The following BIRC6 variants were observed in gnomAD, a reference collection of about 807,000 sequenced individuals.
BIRC6 encodes dual E2 ubiquitin-conjugating enzyme/E3 ubiquitin-protein ligase BIRC6.
BIRC6 carries 98 observed loss-of-function variants against 503.3 expected under a neutral mutation model. The ratio of observed to expected loss-of-function variants is 0.19; its 90% CI spans 0.17 to 0.23. The LOEUF is 0.23. Ranked by LOEUF, BIRC6 falls within the 10% of genes least tolerant of loss-of-function variation. The pLI is 1.00. For missense variants in BIRC6, 5,360 were observed against 5,806.0 expected (o/e 0.92, Z 2.50); for synonymous variants, 2,240 against 2,078.7 (o/e 1.08, Z -2.11).
intron 72 of BIRC6, among the ~76,000 whole-genome samples, chr2:32,610,214 C>A (rs1056535399): frequency 6.6e-6 from 1 of 152,072 alleles, no homozygotes; most frequent in Admixed American, 6.6e-5. Context: ...GTTTGATTGT[C>A]TGTTCTTTAG....
chr2:32,473,741 G>A (rs1558828907), intron 33 of BIRC6, among the ~76,000 whole-genome samples: 5 of 133,716 alleles, frequency 3.7e-5, no homozygotes, highest in South Asian at 4.7e-4. Context: ...GTGTGTGTGT[G>A]TGTGTGTGTA....
intron 73 of BIRC6, among the ~76,000 whole-genome samples, chr2:32,614,369 T>TA (rs1356358931): frequency 1.3e-5 from 2 of 152,250 alleles, no homozygotes; most frequent in East Asian, 1.9e-4. Flanking sequence ...GTTTTTCACT[T>TA]ACACAAAACT....
intron 59 of BIRC6, 26 bp downstream of exon 59, chr2:32,525,654 CAA>C: frequency 6.3e-7 from 1 of 1,589,394 alleles, no homozygotes; most frequent in Non-Finnish European, 8.6e-7. Context: ...GAATAAACGT[CAA>C]AGAAATTTTA....
At chr2:32,537,434 A>G (rs1572884140) in intron 61 of BIRC6, among the ~76,000 whole-genome samples, 1 of 152,200 alleles carries the variant, frequency 6.6e-6, no homozygotes, top group Non-Finnish European at 1.5e-5. Context: ...AGTGCAATCA[A>G]ACTAGAACTC....
chr2:32,389,925 TCTCGGCTCACCGCAAC>T (rs2038993462), intron 4 of BIRC6, among the ~76,000 whole-genome samples: 1 of 151,934 alleles, frequency 6.6e-6, no homozygotes, highest in Non-Finnish European at 1.5e-5. Context: ...AATGGCACGA[TCTCGGCTCACCGCAAC>T]CTCTGCCTCC....
intron 21 of BIRC6, among the ~76,000 whole-genome samples, chr2:32,447,363 C>T (rs1354069809): frequency 6.8e-5 from 10 of 147,518 alleles, no homozygotes; most frequent in South Asian, 4.3e-4. Flanking sequence ...CCGGATGGGG[C>T]GGCTGGCCGG....
chr2:32,449,450 A>G (rs941149012), intron 22 of BIRC6, among the ~76,000 whole-genome samples: 3 of 152,288 alleles, frequency 2.0e-5, no homozygotes, highest in African/African-American at 4.8e-5. Context: ...GGATGTATGC[A>G]TGACACTATT....
In BIRC6 at chr2:32,611,511, G is replaced by A. The variant is rs202246134; in HGVS notation, c.14323G>A (p.Ala4775Thr). The A allele has an allele frequency of 1.9e-6, 3 of 1,611,288 alleles. No individual in the cohort carries two copies. In the African/African-American group the frequency reaches 4.0e-5, roughly 22 times the overall value. ...AATGGCCCAATGTGAGGAGTGGATT[G>A]CGGATATCCAGCAGTACAGCAGTGA... Reference protein sequence around the residue: ...EIMAQCEEWIADIQQYSSDKR... With the variant: ...EIMAQCEEWITDIQQYSSDKR... The change falls in exon 73 of 74, where the codon GCG (alanine) becomes ACG (threonine). Residue 4775 changes from alanine to threonine, a missense_variant. Transcript: ENST00000421745.
rs1468406689 is a variant in BIRC6, at chr2:32,488,588, T to G, written c.7969T>G (p.Leu2657Val). 1.1e-5 allele frequency: 17 copies of G among 1,518,406 alleles called. No homozygotes were observed. The highest frequency in any genetic ancestry group is 1.5e-5 in the Non-Finnish European group (17 of 1,134,886). 94.1% of individuals were successfully genotyped at this position (1,518,406 alleles called of 1,614,324 possible). A position where few individuals can be genotyped will look rare whatever the true frequency, so the allele number is the denominator to read the frequency against. Reference protein sequence around the residue: ...FSMLQVHHVQLESLLQLWLTL... With the variant: ...FSMLQVHHVQVESLLQLWLTL... ...CCTGTTGATTTTCATTCTTTTTCAG[T>G]TGGAGTCACTTCTCCAATTGTGGCT... Residue 2657 changes from leucine (L) to valine (V), a missense_variant and splice_region_variant, in exon 42 of 74, where the codon TTG becomes GTG. Leu to Val is a conservative substitution (Grantham distance 32, BLOSUM62 1). This residue lies in a region of BIRC6 where 2,299 missense variants were observed against 2,267.2 expected (regional missense o/e 1.01). Coordinates refer to ENST00000421745, the MANE Select transcript of BIRC6 (RefSeq NM_016252.4).
At chr2:32,546,674 C>T (rs1195791487) in intron 63 of BIRC6, among the ~76,000 whole-genome samples, 1 of 151,892 alleles carries the variant, frequency 6.6e-6, no homozygotes, top group African/African-American at 2.4e-5. Flanking sequence ...TAGTTAATTT[C>T]TACATACTAG....
At chr2:32,439,054 G>A (rs754711029) in intron 15 of BIRC6, among the ~76,000 whole-genome samples, 9 of 152,130 alleles carry the variant, frequency 5.9e-5, no homozygotes, top group East Asian at 1.9e-4. Flanking sequence ...ATTTTTAACC[G>A]TCAGTACTAT....
intron 5 of BIRC6, 109 bp downstream of exon 5, chr2:32,392,259 T>C (rs1420534109): frequency 1.3e-6 from 1 of 759,612 alleles, no homozygotes; most frequent in African/African-American, 1.8e-5. Context: ...GCACCTTGTA[T>C]GCTTGCTTGT....
chr2:32,357,592 C>A lies in BIRC6; in HGVS notation c.325+106C>A. On this transcript the variant is annotated intron_variant, in intron 1 of 73. Coordinates refer to ENST00000421745, the MANE Select transcript of BIRC6 (RefSeq NM_016252.4). This position sits in a 1 kb window ranked among gnomAD's most constrained non-coding sequence, Gnocchi z 4.9. ...GAAGCGAGATGGCGAGAGGGCAGGG[C>A]TGGGGGTTCGGGCCCAGCCGTGAAG... 6.8e-7 allele frequency: 1 copy of A among 1,475,260 alleles called. No homozygotes were observed. Among genetic ancestry groups the A allele is most frequent in the Non-Finnish European group, 8.9e-7 (1 of 1,120,490 alleles). 91.4% of individuals were successfully genotyped at this position (1,475,260 alleles called of 1,614,324 possible). A position where few individuals can be genotyped will look rare whatever the true frequency, so the allele number is the denominator to read the frequency against.
At chr2:32,413,546 T>A (rs1407667571) in intron 9 of BIRC6, among the ~76,000 whole-genome samples, 1 of 151,982 alleles carries the variant, frequency 6.6e-6, no homozygotes, top group African/African-American at 2.4e-5. Flanking sequence ...CTCGAACTCC[T>A]GAGCTCAGGT....
chr2:32,526,258 A>G (rs1369599844), intron 59 of BIRC6, among the ~76,000 whole-genome samples: 2 of 152,148 alleles, frequency 1.3e-5, no homozygotes, highest in African/African-American at 2.4e-5. Flanking sequence ...TTTTTTGAGC[A>G]TGCCCGATTC....
At chr2:32,364,492 T>C (rs1322451291) in intron 1 of BIRC6, among the ~76,000 whole-genome samples, 1 of 152,114 alleles carries the variant, frequency 6.6e-6, no homozygotes, top group Non-Finnish European at 1.5e-5. Flanking sequence ...CCGCCCGCCC[T>C]GGCCTCCCAA....
At chr2:32,579,329 C>T (rs901718214) in intron 66 of BIRC6, among the ~76,000 whole-genome samples, 2 of 151,972 alleles carry the variant, frequency 1.3e-5, no homozygotes, top group Admixed American at 6.6e-5. Flanking sequence ...TAATTTTGAT[C>T]TGATAATTCA....
At chr2:32,504,618 G>A (rs980527618) in intron 49 of BIRC6, among the ~76,000 whole-genome samples, 1 of 151,986 alleles carries the variant, frequency 6.6e-6, no homozygotes, top group African/African-American at 2.4e-5. Context: ...AGTGAGCTGA[G>A]ATCTCACCAC....
At chr2:32,535,925 G>T (rs527315751) in intron 61 of BIRC6, among the ~76,000 whole-genome samples, 1 of 152,286 alleles carries the variant, frequency 6.6e-6, no homozygotes, top group African/African-American at 2.4e-5. Context: ...CCCACCAACG[G>T]TGTAAAAGTG....
Sources: allele counts gnomAD v4.1 joint callset (sites outside exome capture counted in the v4.1 genomes callset), GRCh38; gene constraint gnomAD v4.1.1; regional missense constraint gnomAD v4.1.1; non-coding constraint Gnocchi (gnomAD v3.1); transcripts MANE v1.5; gene names NCBI Gene and HGNC (gene_info 2026-07-23, HGNC 2026-07-21).